The following EZH2 variants were observed in gnomAD, a reference collection of about 807,000 sequenced individuals.
The protein encoded by EZH2 is enhancer of zeste 2 polycomb repressive complex 2 subunit.
A neutral mutation model predicts 98.4 loss-of-function variants in EZH2; 18 were observed. That is an observed-to-expected ratio of 0.18 (90% CI 0.13 to 0.27). The LOEUF is 0.27. Among genes scored for constraint, EZH2 ranks in the 10% least tolerant of loss-of-function variants. EZH2 has a pLI of 1.00. For missense variants in EZH2, 470 were observed against 935.1 expected (o/e 0.50, Z 6.49); for synonymous variants, 338 against 312.3 (o/e 1.08, Z -0.87).
chr7:148,842,879 A>T (rs1812829735), intron 3 of EZH2, among the ~76,000 whole-genome samples: 1 of 152,072 alleles, frequency 6.6e-6, no homozygotes, highest in South Asian at 2.1e-4. Flanking sequence ...CAGCCTGGAA[A>T]ACATGGTATG....
intron 3 of EZH2, among the ~76,000 whole-genome samples, chr7:148,844,988 T>C (rs943061854): frequency 6.6e-6 from 1 of 152,144 alleles, no homozygotes; most frequent in Non-Finnish European, 1.5e-5. Context: ...ACTCCTTCCT[T>C]ATCATGAAGA....
intron 4 of EZH2, among the ~76,000 whole-genome samples, chr7:148,830,299 T>C (rs980031908): frequency 6.6e-6 from 1 of 152,154 alleles, no homozygotes; most frequent in African/African-American, 2.4e-5. Context: ...GGATAACAGG[T>C]GTCTGACACC....
At chr7:148,853,417 CAA>C (rs956850891) in intron 1 of EZH2, among the ~76,000 whole-genome samples, 14 of 145,848 alleles carry the variant, frequency 9.6e-5, no homozygotes, top group African/African-American at 3.0e-4. Flanking sequence ...ACTCCGTCTC[CAA>C]AAAAAAAAGA....
chr7:148,865,950 G>A (rs186635813), intron 1 of EZH2, among the ~76,000 whole-genome samples: 220 of 152,216 alleles, frequency 1.4e-3, no homozygotes, highest in Non-Finnish European at 2.7e-3. Context: ...TGTCTGCAAA[G>A]TGCCATTTCT....
chr7:148,856,879 G>A (rs1165133549), intron 1 of EZH2, among the ~76,000 whole-genome samples: 1 of 152,218 alleles, frequency 6.6e-6, no homozygotes, highest in East Asian at 1.9e-4. Context: ...TGATACATGA[G>A]TGTATGTCCC....
At chr7:148,856,450 G>A (rs768175130) in intron 1 of EZH2, among the ~76,000 whole-genome samples, 12 of 152,216 alleles carry the variant, frequency 7.9e-5, no homozygotes, top group Non-Finnish European at 1.5e-4. Flanking sequence ...CAGGTTAGCT[G>A]AAATACCTGC....
chr7:148,842,183 A>G (rs570705605), intron 3 of EZH2, among the ~76,000 whole-genome samples: 1 of 152,332 alleles, frequency 6.6e-6, no homozygotes, highest in South Asian at 2.1e-4. Context: ...TTAAATTACT[A>G]AACTAATCAT....
At chr7:148,827,352 T>G in intron 6 of EZH2, 86 bp from the exon 7 acceptor site, 1 of 924,432 alleles carries the variant, frequency 1.1e-6, no homozygotes, top group Non-Finnish European at 1.7e-6. Context: ...TATGTCTCTA[T>G]AACAAAGCTG....
Position 148,861,377 on chromosome 7 carries a change from C to T in EZH2, c.-7-14072G>A, listed in dbSNP as rs187656552. On this transcript the variant is annotated intron_variant, in intron 1 of 19. Coordinates refer to ENST00000320356, the MANE Select transcript of EZH2 (RefSeq NM_004456.5). ...GAGTAGCTGGGATTACAGGCACACACTACCATGCCCAGCTAATTTTTGTAT... is the reference window on the plus strand; with the variant it reads ...GAGTAGCTGGGATTACAGGCACACATTACCATGCCCAGCTAATTTTTGTAT... Among the ~76,000 whole-genome samples the T allele has an allele frequency of 2.1e-3, 326 of 152,086 alleles. 3 individuals carry two copies. Among genetic ancestry groups the T allele is most frequent in the South Asian group, 0.019 (90 of 4,810 alleles).
In EZH2 at chr7:148,858,587, C is replaced by T. The variant is rs562334461; in HGVS notation, c.-7-11282G>A. Among the ~76,000 whole-genome samples, 6 of 152,250 alleles carry T rather than the reference C, an allele frequency of 3.9e-5. No individual in the cohort carries two copies. In the East Asian group the frequency reaches 1.2e-3, roughly 29 times the overall value. ...TCGTCCAGGCTGGAGTGCAGTGATG[C>T]AATCCCAACTCACTGAAGCCTCAAA... On this transcript the variant is annotated intron_variant, in intron 1 of 19. Transcript: ENST00000320356.
chr7:148,870,101 G>A (rs1819133780), intron 1 of EZH2, among the ~76,000 whole-genome samples: 1 of 152,104 alleles, frequency 6.6e-6, no homozygotes, highest in African/African-American at 2.4e-5. Context: ...TCTATTTCAG[G>A]CAAATATTCT....
At chr7:148,816,479 C>T (rs1804588160) in intron 12 of EZH2, among the ~76,000 whole-genome samples, 1 of 152,252 alleles carries the variant, frequency 6.6e-6, no homozygotes, top group East Asian at 1.9e-4. Flanking sequence ...TCTTAACATA[C>T]CAAATATACT....
At chr7:148,850,192 G>T (rs1418544046) in intron 1 of EZH2, among the ~76,000 whole-genome samples, 1 of 151,964 alleles carries the variant, frequency 6.6e-6, no homozygotes, top group African/African-American at 2.4e-5. Flanking sequence ...CTAATTTTTT[G>T]TATTTTTAGT....
intron 4 of EZH2, among the ~76,000 whole-genome samples, chr7:148,832,181 C>T (rs142749245): frequency 3.6e-3 from 548 of 152,296 alleles, no homozygotes; most frequent in African/African-American, 0.012. Flanking sequence ...CTCCGCCTCC[C>T]TCAAGCCATC....
chr7:148,813,569 C>G (rs938148150), intron 15 of EZH2, among the ~76,000 whole-genome samples: 1 of 151,700 alleles, frequency 6.6e-6, no homozygotes, highest in Non-Finnish European at 1.5e-5. Flanking sequence ...TATAAATACT[C>G]TTTGATGAGA....
At chr7:148,836,247 T>A (rs1585075121) in intron 3 of EZH2, among the ~76,000 whole-genome samples, 1 of 152,238 alleles carries the variant, frequency 6.6e-6, no homozygotes, top group East Asian at 1.9e-4. Flanking sequence ...TGTTTCAAGC[T>A]AAGAGAGCAC....
chr7:148,810,410 A>ATAATC lies in EZH2; in HGVS notation c.1948-1_1951dup (p.Ile651ArgfsTer26). On this transcript the variant is annotated frameshift_variant, in exon 17 of 20. Coordinates refer to ENST00000320356, the MANE Select transcript of EZH2 (RefSeq NM_004456.5). LOFTEE classifies it high-confidence loss of function. ...TCTTCTGTCAGCTTCATCTTGAGAAATAATCTAAAAAGAAAGACACAGGAG... is the reference window on the plus strand; with the variant it reads ...TCTTCTGTCAGCTTCATCTTGAGAAATAATCTAATCTAAAAAGAAAGACACAGGAG... The ATAATC allele has an allele frequency of 6.2e-7, 1 of 1,607,534 alleles. No individual in the cohort carries two copies.
At chr7:148,876,302 A>G (rs1820159546) in intron 1 of EZH2, 1 of 152,024 alleles carries the variant, frequency 6.6e-6, no homozygotes, top group East Asian at 1.9e-4. Flanking sequence ...GAAAAAAAAA[A>G]AAGTTGAGAG....
At chr7:148,875,514 A>T (rs1001557237) in intron 1 of EZH2, among the ~76,000 whole-genome samples, 11 of 152,236 alleles carry the variant, frequency 7.2e-5, no homozygotes, top group African/African-American at 2.7e-4. Context: ...ATGTTCCAAC[A>T]TCATTGATCA....
Sources: gnomAD v4.1 joint callset for allele counts (sites outside exome capture counted in the v4.1 genomes callset) on GRCh38, gnomAD v4.1.1 for gene constraint, MANE v1.5 for transcripts, NCBI Gene and HGNC (gene_info 2026-07-23, HGNC 2026-07-21) for gene names.